Variants in LRRC1 observed in about 807,000 individuals in gnomAD.
LRRC1 encodes leucine-rich repeat-containing protein 1.
In LRRC1, 28 loss-of-function variants were observed where a neutral mutation model predicts 69.9. That is an observed-to-expected ratio of 0.40 (90% CI 0.30 to 0.55). The LOEUF (loss-of-function observed/expected upper bound fraction) is 0.55, where lower values mean the gene tolerates loss of function less well. LRRC1 is among the 20% of genes least tolerant of loss of function. LRRC1 has a pLI of 0.47. For synonymous variants in LRRC1, 236 were observed against 240.2 expected (o/e 0.98, Z 0.16); for missense variants, 498 against 609.0 (o/e 0.82, Z 1.92).
At chr6:53,903,276 TG>T (rs992998051) in intron 9 of LRRC1, among the ~76,000 whole-genome samples, 19 of 150,548 alleles carry the variant, frequency 1.3e-4, no homozygotes, top group Admixed American at 2.0e-4. Flanking sequence ...AACTTGGAAG[TG>T]GAGGGGACTG....
chr6:53,859,865 GA>G (rs1766439653), intron 2 of LRRC1, among the ~76,000 whole-genome samples: 1 of 152,200 alleles, frequency 6.6e-6, no homozygotes, highest in Non-Finnish European at 1.5e-5. Flanking sequence ...TAGAGCGAGG[GA>G]ACACTGTCTG....
intron 1 of LRRC1, among the ~76,000 whole-genome samples, chr6:53,832,267 T>C (rs1198955491): frequency 6.6e-6 from 1 of 152,226 alleles, no homozygotes; most frequent in Non-Finnish European, 1.5e-5. Flanking sequence ...ATTTTCTACC[T>C]TGTATTTTAA....
At chr6:53,869,320 A>G (rs895348375) in intron 2 of LRRC1, among the ~76,000 whole-genome samples, 2 of 152,156 alleles carry the variant, frequency 1.3e-5, no homozygotes, top group African/African-American at 4.8e-5. Context: ...TCTGGGGGAA[A>G]TACTCAAATT....
chr6:53,812,410 G>T (rs541320339), intron 1 of LRRC1, among the ~76,000 whole-genome samples: 1 of 152,236 alleles, frequency 6.6e-6, no homozygotes, highest in East Asian at 1.9e-4. Context: ...GAAGAAAGAG[G>T]CCGGGCGCGG....
chr6:53,814,504 A>G (rs1315265327), intron 1 of LRRC1, among the ~76,000 whole-genome samples: 1 of 152,218 alleles, frequency 6.6e-6, no homozygotes, highest in African/African-American at 2.4e-5. Context: ...AACTAAGTCT[A>G]AACAATAAGA....
At chr6:53,912,666 T>C (rs1015052408) in intron 10 of LRRC1, among the ~76,000 whole-genome samples, 7 of 152,240 alleles carry the variant, frequency 4.6e-5, no homozygotes, top group African/African-American at 1.7e-4. Context: ...TGTATGAAAG[T>C]AATTATGTAG....
At chr6:53,858,007 G>A (rs1766368386) in intron 2 of LRRC1, among the ~76,000 whole-genome samples, 1 of 152,136 alleles carries the variant, frequency 6.6e-6, no homozygotes, top group South Asian at 2.1e-4. Flanking sequence ...GTCTGGCATG[G>A]GTGTAAGCCA....
intron 4 of LRRC1, among the ~76,000 whole-genome samples, chr6:53,893,135 G>A (rs1297941085): frequency 2.0e-5 from 3 of 152,176 alleles, no homozygotes; most frequent in Non-Finnish European, 4.4e-5. Flanking sequence ...CATTTGTAAG[G>A]TACCTAGCTG....
chr6:53,834,289 G>A (rs1321557056), intron 1 of LRRC1, among the ~76,000 whole-genome samples: 3 of 152,080 alleles, frequency 2.0e-5, no homozygotes, highest in Non-Finnish European at 1.5e-5. Flanking sequence ...TGTCTGGATT[G>A]GTTTGGCAGC....
In LRRC1 at chr6:53,795,221, C is replaced by A. The variant is rs1420207558; in HGVS notation, c.-36C>A. The stretch of plus-strand genomic sequence containing the variant: ...GCGGGCTCGGAGCCCGGGTCTCCGC[C>A]GCTCGGGACCCGGCTAGGCGGCGGC... On this transcript the variant is annotated 5_prime_UTR_variant, in exon 1 of 14. Transcript: ENST00000370888. 1.9e-6 allele frequency: 3 copies of A among 1,562,698 alleles called. No individual in the cohort carries two copies. The highest frequency in any genetic ancestry group is 1.8e-5 in the Admixed American group (1 of 55,220).
At chr6:53,896,063 T>C (rs1317853963) in intron 4 of LRRC1, among the ~76,000 whole-genome samples, 1 of 152,216 alleles carries the variant, frequency 6.6e-6, no homozygotes, top group African/African-American at 2.4e-5. Context: ...CTCTCACTGA[T>C]ACTGGGAAGA....
intron 2 of LRRC1, among the ~76,000 whole-genome samples, chr6:53,869,670 C>G (rs551954969): frequency 1.6e-4 from 25 of 152,308 alleles, no homozygotes; most frequent in African/African-American, 6.0e-4. Flanking sequence ...GGAGAAACTG[C>G]AAGTGACAAG....
chr6:53,795,551 T>C, intron 1 of LRRC1, 136 bp downstream of exon 1: 1 of 773,424 alleles, frequency 1.3e-6, no homozygotes, highest in South Asian at 1.9e-5. Flanking sequence ...CACCTGCTTC[T>C]TTCTCCCCCT....
At chr6:53,890,964 A>T (rs1210778681) in intron 4 of LRRC1, among the ~76,000 whole-genome samples, 2 of 152,238 alleles carry the variant, frequency 1.3e-5, no homozygotes, top group Non-Finnish European at 2.9e-5. Context: ...AAGTGGGTTA[A>T]AAAGGGTTTT....
Position 53,899,951 on chromosome 6 carries a change from G to T in LRRC1, c.787+60G>T, listed in dbSNP as rs906941942. On this transcript the variant is annotated intron_variant, in intron 8 of 13. Coordinates refer to ENST00000370888, the MANE Select transcript of LRRC1 (RefSeq NM_018214.5). ...TGCCTGCCGTCGTCTTGAGGGTTTGGGGCACACTTTGATCCTTTGGTCACC... is the reference window on the plus strand; with the variant it reads ...TGCCTGCCGTCGTCTTGAGGGTTTGTGGCACACTTTGATCCTTTGGTCACC... 35 of 1,538,698 alleles carry T rather than the reference G, an allele frequency of 2.3e-5. 1 individual carries two copies. The highest frequency in any genetic ancestry group is 1.7e-4 in the Middle Eastern group (1 of 5,784).
chr6:53,824,309 G>A lies in LRRC1; in HGVS notation c.160-17801G>A, dbSNP rs145134825. On this transcript the variant is annotated intron_variant, in intron 1 of 13. Transcript: ENST00000370888. ...TTATGTCTTCTTTTGAAAAGTGTCC[G>A]TTGCCCTTTGCCCACTTTTTAATGG... Among the ~76,000 whole-genome samples the A allele has an allele frequency of 2.0e-4, 30 of 151,500 alleles. No homozygotes were observed. The South Asian group carries it at 4.6e-3, about 23-fold the overall frequency.
chr6:53,839,727 TATA>T (rs1366321905), intron 1 of LRRC1, among the ~76,000 whole-genome samples: 1 of 152,188 alleles, frequency 6.6e-6, no homozygotes, highest in African/African-American at 2.4e-5. Flanking sequence ...ATATAGATAT[TATA>T]ATGTTATGAC....
At chr6:53,876,552 G>A (rs558692281) in intron 2 of LRRC1, among the ~76,000 whole-genome samples, 1 of 152,260 alleles carries the variant, frequency 6.6e-6, no homozygotes, top group East Asian at 1.9e-4. Context: ...TCAAAAGCAA[G>A]TTAGTTACTT....
chr6:53,904,251 T>C (rs1768161512), intron 9 of LRRC1, 128 bp from the exon 10 acceptor site: 1 of 580,232 alleles, frequency 1.7e-6, no homozygotes, highest in Non-Finnish European at 3.1e-6. Context: ...ATATCTGATA[T>C]TCAGCAAGAA....
Sources: allele counts gnomAD v4.1 joint callset (sites outside exome capture counted in the v4.1 genomes callset), GRCh38; gene constraint gnomAD v4.1.1; transcripts MANE v1.5; gene names NCBI Gene and HGNC (gene_info 2026-07-23, HGNC 2026-07-21).